The following PAX5 variants were observed in gnomAD, a reference collection of about 807,000 sequenced individuals.
PAX5 encodes the protein paired box 5, also known as paired box protein Pax-5.
In PAX5, 9 loss-of-function variants were observed where a neutral mutation model predicts 43.7. The observed-to-expected ratio is 0.21, with a 90% CI of 0.12 to 0.36. The LOEUF (loss-of-function observed/expected upper bound fraction) is 0.36, where lower values mean the gene tolerates loss of function less well. PAX5 is among the 10% of genes least tolerant of loss of function. The pLI is 1.00. For missense variants in PAX5, 383 were observed against 532.7 expected, an observed-to-expected ratio of 0.72 and a Z score of 2.77; for synonymous variants, 228 against 214.3, an observed-to-expected ratio of 1.06 and a Z score of -0.56.
intron 7 of PAX5, among the ~76,000 whole-genome samples, chr9:36,903,920 G>A (rs183035670): frequency 1.2e-3 from 176 of 152,324 alleles, no homozygotes; most frequent in Admixed American, 3.1e-3. Context: ...TGACTCACCA[G>A]GCTTTATGAG....
chr9:36,945,236 G>T (rs1411057), intron 6 of PAX5, among the ~76,000 whole-genome samples: 8 of 151,066 alleles, frequency 5.3e-5, no homozygotes, highest in African/African-American at 7.3e-5. Context: ...TTTTTTTTTA[G>T]TTTTTTGTTT....
intron 1 of PAX5, 138 bp downstream of exon 1, chr9:37,033,847 CA>C: frequency 1.4e-6 from 1 of 695,138 alleles, no homozygotes; most frequent in South Asian, 1.6e-5. Flanking sequence ...GGTGAAAAAA[CA>C]TAACAAACAC....
chr9:37,011,136 A>T (rs1379846238), intron 3 of PAX5, among the ~76,000 whole-genome samples: 1 of 151,712 alleles, frequency 6.6e-6, no homozygotes, highest in Non-Finnish European at 1.5e-5. Context: ...AACAAAAAAA[A>T]AAAAAAAAAA....
rs756688959 is a variant in PAX5, at chr9:37,001,915, C to A, written c.604+733G>T. ...CATTAATGTCAGCCAGTACTGGCAGCCCATACAGGGGAAAGGAGCCCCAGT... is the reference window on the plus strand; with the variant it reads ...CATTAATGTCAGCCAGTACTGGCAGACCATACAGGGGAAAGGAGCCCCAGT... On this transcript the variant is annotated intron_variant, in intron 5 of 9. Transcript: ENST00000358127. 2.6e-4 allele frequency among the ~76,000 whole-genome samples: 39 copies of A among 149,674 alleles called. 1 individual carries two copies. Among genetic ancestry groups the A allele is most frequent in the Middle Eastern group, 7.1e-3 (2 of 280 alleles).
At chr9:36,978,636 G>A (rs1400890550) in intron 5 of PAX5, among the ~76,000 whole-genome samples, 4 of 152,064 alleles carry the variant, frequency 2.6e-5, no homozygotes, top group Non-Finnish European at 4.4e-5. Context: ...AAGAAGGTTC[G>A]TATTTGAAGT....
In PAX5 at chr9:36,837,829, G is replaced by A; in HGVS notation, c.*2731C>T. 1 of 233,496 alleles carries A rather than the reference G, an allele frequency of 4.3e-6. No homozygotes were observed. The highest frequency in any genetic ancestry group is 5.6e-5 in the Admixed American group (1 of 17,794). 14.5% of individuals were successfully genotyped at this position (233,496 alleles called of 1,614,324 possible). On this transcript the variant is annotated 3_prime_UTR_variant, in exon 10 of 10. Transcript: ENST00000358127. ...GAAGAGGAACAGGATGGGGAGAGGGGGCCGCTGTGAGCCAGGTGGGCTTTG... is the reference window on the plus strand; with the variant it reads ...GAAGAGGAACAGGATGGGGAGAGGGAGCCGCTGTGAGCCAGGTGGGCTTTG...
At chr9:37,024,700 G>T (rs922003433) in intron 1 of PAX5, among the ~76,000 whole-genome samples, 2 of 152,226 alleles carry the variant, frequency 1.3e-5, no homozygotes, top group Admixed American at 6.5e-5. Context: ...CACGGAGGGG[G>T]CGATTGAAGG....
At chr9:36,960,342 G>A (rs1471639531) in intron 6 of PAX5, among the ~76,000 whole-genome samples, 1 of 152,142 alleles carries the variant, frequency 6.6e-6, no homozygotes, top group Non-Finnish European at 1.5e-5. Context: ...CGCCAGCCCT[G>A]GGAGAGGCTG....
At chr9:36,982,823 A>C (rs1836056294) in intron 5 of PAX5, among the ~76,000 whole-genome samples, 1 of 152,102 alleles carries the variant, frequency 6.6e-6, no homozygotes, top group Non-Finnish European at 1.5e-5. Context: ...CAATACCTGC[A>C]GATTTTGCTT....
chr9:36,997,113 G>C (rs1837461928), intron 5 of PAX5, among the ~76,000 whole-genome samples: 1 of 152,140 alleles, frequency 6.6e-6, no homozygotes, highest in Admixed American at 6.5e-5. Context: ...GGGAGCACCT[G>C]GCTAAATGCC....
At chr9:36,937,745 A>T (rs1356415672) in intron 6 of PAX5, among the ~76,000 whole-genome samples, 2 of 152,196 alleles carry the variant, frequency 1.3e-5, no homozygotes, top group African/African-American at 4.8e-5. Context: ...AGGTTTCCAG[A>T]TAGGTTTAGC....
At chr9:36,896,266 C>T (rs984225096) in intron 7 of PAX5, among the ~76,000 whole-genome samples, 9 of 152,076 alleles carry the variant, frequency 5.9e-5, no homozygotes, top group African/African-American at 1.7e-4. Flanking sequence ...AGTGCCTCAG[C>T]TGGTCCAGGG....
rs1835902372 is a variant in PAX5 at position 36,981,222 on chromosome 9, C to T, written c.605-14498G>A. On this transcript the variant is annotated intron_variant, in intron 5 of 9. Transcript: ENST00000358127. Reference sequence around the variant, plus strand: ...TCAGCCCTGCTTCATTCCCTGTCTCCTCACCTAGCTTTGTTTTCCTCCAGA... The same window carrying T: ...TCAGCCCTGCTTCATTCCCTGTCTCTTCACCTAGCTTTGTTTTCCTCCAGA... Among the ~76,000 whole-genome samples the T allele has an allele frequency of 2.0e-5, 3 of 147,280 alleles. No homozygotes were observed. In the South Asian group the frequency reaches 6.9e-4, roughly 34 times the overall value.
intron 1 of PAX5, among the ~76,000 whole-genome samples, chr9:37,026,141 C>T (rs1375337265): frequency 1.3e-5 from 2 of 152,370 alleles, no homozygotes; most frequent in African/African-American, 4.8e-5. Context: ...CTGAAAAAGG[C>T]GCCATCGGAG....
chr9:36,997,725 C>A (rs1837506848), intron 5 of PAX5, among the ~76,000 whole-genome samples: 1 of 152,204 alleles, frequency 6.6e-6, no homozygotes, highest in African/African-American at 2.4e-5. Context: ...TGGGTGGCAC[C>A]CCAGCCTGAC....
chr9:36,863,918 G>A (rs900405335), intron 8 of PAX5, among the ~76,000 whole-genome samples: 1 of 152,212 alleles, frequency 6.6e-6, no homozygotes, highest in Admixed American at 6.5e-5. Context: ...AGACCAGCCT[G>A]GCCAACATGG....
intron 5 of PAX5, among the ~76,000 whole-genome samples, chr9:36,982,749 C>T (rs1165761685): frequency 6.6e-6 from 1 of 152,162 alleles, no homozygotes; most frequent in Non-Finnish European, 1.5e-5. Flanking sequence ...GCTTTCACAC[C>T]TCCACATCTA....
chr9:37,026,846 G>A (rs1333158968), intron 1 of PAX5: 1 of 423,238 alleles, frequency 2.4e-6, no homozygotes, highest in Non-Finnish European at 3.2e-6. Flanking sequence ...TCAAGCAGCA[G>A]CTCCGGGCCC....
At chr9:36,850,606 T>C (rs1189329930) in intron 8 of PAX5, among the ~76,000 whole-genome samples, 1 of 152,132 alleles carries the variant, frequency 6.6e-6, no homozygotes, top group Non-Finnish European at 1.5e-5. Flanking sequence ...TTTTGGCATC[T>C]CTCAAAAATA....
Sources: allele counts gnomAD v4.1 joint callset (sites outside exome capture counted in the v4.1 genomes callset), GRCh38; gene constraint gnomAD v4.1.1; transcripts MANE v1.5; gene names NCBI Gene and HGNC (gene_info 2026-07-23, HGNC 2026-07-21).